The following CHUK variants were observed in gnomAD, a reference collection of about 807,000 sequenced individuals.
CHUK encodes the protein component of inhibitor of nuclear factor kappa B kinase complex.
In CHUK, 35 loss-of-function variants were observed where a neutral mutation model predicts 104.8. The ratio of observed to expected loss-of-function variants is 0.33; its 90% CI spans 0.26 to 0.44. CHUK has a LOEUF of 0.44. Ranked by LOEUF, CHUK falls within the 20% of genes least tolerant of loss-of-function variation. CHUK has a pLI of 1.00. For synonymous variants in CHUK, 276 were observed against 291.9 expected (o/e 0.95, Z 0.56); for missense variants, 663 against 902.7 (o/e 0.73, Z 3.40).
chr10:100,214,799 T>C (rs1325164730), intron 9 of CHUK, among the ~76,000 whole-genome samples: 1 of 152,194 alleles, frequency 6.6e-6, no homozygotes, highest in African/African-American at 2.4e-5. Context: ...CTCAAAATTG[T>C]TAAGATATTC....
At chr10:100,187,578 A>C (rs1057493303), downstream of CHUK, 14 of 152,332 alleles carry the variant, frequency 9.2e-5, no homozygotes, top group African/African-American at 3.1e-4. Context: ...TAAAGAATGA[A>C]ATGTATACAA....
chr10:100,208,782 T>A (rs865962120), intron 10 of CHUK, among the ~76,000 whole-genome samples: 59 of 125,480 alleles, frequency 4.7e-4, no homozygotes, highest in African/African-American at 5.8e-4. Flanking sequence ...CAAGACTGTC[T>A]AAAAAAAAAA....
At chr10:100,223,565 G>C (rs1479096261) in intron 2 of CHUK, among the ~76,000 whole-genome samples, 1 of 151,930 alleles carries the variant, frequency 6.6e-6, no homozygotes, top group African/African-American at 2.4e-5. Context: ...TTGAGCCCAG[G>C]AGTTCAAGTC....
chr10:100,219,199 T>G lies in CHUK; in HGVS notation c.565-67A>C. ...AAAAGCTACTTTATTTTTGACCTAC[T>G]ATATTCATGATCTTCAGAAATAAGA... is the stretch of plus-strand genomic sequence containing the variant. On this transcript the variant is annotated intron_variant, in intron 6 of 20. Transcript: ENST00000370397. 6 of 1,571,878 alleles carry G rather than the reference T, an allele frequency of 3.8e-6. No individual in the cohort carries two copies. In the South Asian group the frequency reaches 6.6e-5, roughly 17 times the overall value.
Position 100,218,710 on chromosome 10 carries a change from A to ATACT in CHUK, c.797+4_797+7dup. The ATACT allele has an allele frequency of 6.3e-7, 1 of 1,581,668 alleles. No homozygotes were observed. Among genetic ancestry groups the ATACT allele is most frequent in the African/African-American group, 1.3e-5 (1 of 74,440 alleles). The stretch of plus-strand genomic sequence containing the variant: ...TGAGGCAAACTTCCTTAACTAAAAT[A>ATACT]TACTTACCTACAAAGGCTATTTGGT... On this transcript the variant is annotated splice_region_variant and intron_variant, in intron 8 of 20. Coordinates refer to ENST00000370397, the MANE Select transcript of CHUK (RefSeq NM_001278.5).
At chr10:100,218,385 A>G (rs920058195) in intron 8 of CHUK, among the ~76,000 whole-genome samples, 8 of 152,210 alleles carry the variant, frequency 5.3e-5, no homozygotes, top group African/African-American at 1.4e-4. Context: ...CAAATAACCC[A>G]TTTACTTCAT....
chr10:100,207,387 G>A, intron 10 of CHUK, 55 bp from the exon 11 acceptor site: 1 of 888,012 alleles, frequency 1.1e-6, no homozygotes, highest in Non-Finnish European at 1.9e-6. Context: ...AAAATCCTAG[G>A]TTTTCTAAAT....
In CHUK at chr10:100,222,916, C is replaced by A. The variant is rs1288085354; in HGVS notation, c.265G>T (p.Asp89Tyr). Residue 89 changes from aspartate (D) to tyrosine (Y), a missense_variant, in exon 3 of 21, where the codon GAT becomes TAT. Physicochemically the swap from Asp to Tyr is radical, Grantham distance 160. Around this residue, in one of 5 missense-constraint regions of CHUK, gnomAD observed 200 missense variants for 333.0 expected, o/e 0.60. Coordinates refer to ENST00000370397, the MANE Select transcript of CHUK (RefSeq NM_001278.5). ...VPEELNILIH[D>Y]VPLLAMEYCS... is the part of the protein sequence containing the mutation. ...TATTCCATTGCTAGAAGAGGCACAT[C>A]ATGAATCAAAATATTCAATTCTTCA... 3.1e-6 allele frequency: 5 copies of A among 1,609,266 alleles called. No homozygotes were observed. In the Admixed American group the frequency reaches 5.0e-5, roughly 16 times the overall value.
chr10:100,206,071 G>C (rs1845584092), intron 11 of CHUK, among the ~76,000 whole-genome samples: 1 of 152,150 alleles, frequency 6.6e-6, no homozygotes, highest in African/African-American at 2.4e-5. Context: ...TCACAGCAAA[G>C]AGGAGCTAAA....
intron 20 of CHUK, chr10:100,189,992 A>T (rs1485414876): frequency 5.3e-6 from 1 of 188,780 alleles, no homozygotes; most frequent in African/African-American, 2.4e-5. Flanking sequence ...GACTACAGGT[A>T]CATGTCATAT....
At chr10:100,197,131 A>G (rs1340446788) in intron 16 of CHUK, among the ~76,000 whole-genome samples, 1 of 152,210 alleles carries the variant, frequency 6.6e-6, no homozygotes, top group Non-Finnish European at 1.5e-5. Flanking sequence ...CCTTTTGACA[A>G]TAGGCTACAT....
At chr10:100,206,765 C>A (rs1845599608) in intron 11 of CHUK, among the ~76,000 whole-genome samples, 1 of 152,094 alleles carries the variant, frequency 6.6e-6, no homozygotes, top group Admixed American at 6.5e-5. Context: ...CAATTTTGTT[C>A]TTGATTTTAC....
chr10:100,190,020 CTTTT>C (rs10549639), intron 20 of CHUK: 6,913 of 136,590 alleles, frequency 0.051, 472 homozygotes, highest in African/African-American at 0.16. Context: ...CACCATTATC[CTTTT>C]TTTTTTTTTT....
chr10:100,229,430 G>A lies in CHUK; in HGVS notation c.103C>T (p.Arg35Trp). 1 of 1,603,072 alleles carries A rather than the reference G, an allele frequency of 6.2e-7. No individual in the cohort carries two copies. Among genetic ancestry groups the A allele is most frequent in the Non-Finnish European group, 8.5e-7 (1 of 1,177,354 alleles). ...CTCCCTCTCACGCCCCGCCTCACCC[G>A]ATGCTGGTACAGACAGACGTTCCCG... ...GFGNVCLYQHRELDLKIAIKS... is the reference protein window; with the variant it reads ...GFGNVCLYQHWELDLKIAIKS... The change falls in exon 1 of 21, where the codon CGG becomes TGG. Residue 35 changes from arginine to tryptophan, a missense_variant and splice_region_variant. This residue lies in a region of CHUK where 200 missense variants were observed against 333.0 expected (regional missense o/e 0.60). Transcript: ENST00000370397.
intron 8 of CHUK, 121 bp from the exon 9 acceptor site, chr10:100,218,251 T>C: frequency 1.2e-6 from 1 of 851,646 alleles, no homozygotes; most frequent in Non-Finnish European, 1.9e-6. Context: ...GTCTGTACCA[T>C]TTCATAAATT....
Position 100,220,781 on chromosome 10 carries a change from T to C in CHUK, c.386-105A>G, listed in dbSNP as rs529570457. 13 of 732,270 alleles carry C rather than the reference T, an allele frequency of 1.8e-5. No individual in the cohort carries two copies. In the East Asian group the frequency reaches 3.5e-4, roughly 20 times the overall value. 45.4% of individuals were successfully genotyped at this position (732,270 alleles called of 1,614,324 possible). On this transcript the variant is annotated intron_variant, in intron 4 of 20. Transcript: ENST00000370397. ...ATCTACTCTGATGCTCAAGTTTATA[T>C]GGATCATCGTAACTACACAACTAAT...
At chr10:100,187,568 TA>T (rs1733708840), downstream of CHUK, 1 of 152,162 alleles carries the variant, frequency 6.6e-6, no homozygotes, top group African/African-American at 2.4e-5. Flanking sequence ...TAATATTGCT[TA>T]AAGAATGAAA....
At position 100,212,773 on chromosome 10, in the gene CHUK, G is replaced by A. The variant is rs753596200; in HGVS notation, c.934-2984C>T. Among the ~76,000 whole-genome samples, 122 of 152,098 alleles carry A rather than the reference G, an allele frequency of 8.0e-4. 1 individual carries two copies. The highest frequency in any genetic ancestry group is 1.3e-3 in the Non-Finnish European group (90 of 68,024). ...TAATCCCAGCACTTTGGGATTACAA[G>A]ACAAGTAGATCACTTAAGGTCAGGA... is the stretch of plus-strand genomic sequence containing the variant. On this transcript the variant is annotated intron_variant, in intron 9 of 20. Coordinates refer to ENST00000370397, the MANE Select transcript of CHUK (RefSeq NM_001278.5).
At chr10:100,218,570 C>G in intron 8 of CHUK, 148 bp downstream of exon 8, 1 of 684,936 alleles carries the variant, frequency 1.5e-6, no homozygotes, top group Non-Finnish European at 2.6e-6. Flanking sequence ...AGTCAATAAC[C>G]TCATGTGGCC....
Sources: gnomAD v4.1 joint callset for allele counts (sites outside exome capture counted in the v4.1 genomes callset) on GRCh38, gnomAD v4.1.1 for gene constraint, gnomAD v4.1.1 regional missense constraint, MANE v1.5 for transcripts, NCBI Gene and HGNC (gene_info 2026-07-23, HGNC 2026-07-21) for gene names.